Variants in HRH2 observed in about 807,000 individuals in gnomAD.
HRH2 encodes histamine receptor H2, also known as histamine H2 receptor.
Under a neutral mutation model 20.1 loss-of-function variants are expected in HRH2, and 4 were observed. The ratio of observed to expected loss-of-function variants is 0.20; its 90% confidence interval spans 0.10 to 0.45. HRH2 has a LOEUF of 0.45. Among genes scored for constraint, HRH2 ranks in the 20% least tolerant of loss-of-function variants. The pLI is 0.99. For synonymous variants in HRH2, 197 were observed against 200.7 expected (o/e 0.98, Z 0.16); for missense variants, 250 against 461.6 (o/e 0.54, Z 4.20).
At chr5:175,672,935 G>C (rs1581419024) in intron 1 of HRH2, among the ~76,000 whole-genome samples, 1 of 151,484 alleles carries the variant, frequency 6.6e-6, no homozygotes, top group Non-Finnish European at 1.5e-5. Flanking sequence ...AGGAGCAGGT[G>C]TGTAGTATCC....
At chr5:175,658,605 C>G (rs1325739574) in intron 1 of HRH2, among the ~76,000 whole-genome samples, 1 of 152,150 alleles carries the variant, frequency 6.6e-6, no homozygotes, top group African/African-American at 2.4e-5. Context: ...GAGCAACTTT[C>G]TGCTAAAGGG....
intron 1 of HRH2, among the ~76,000 whole-genome samples, chr5:175,659,878 G>A (rs1418808140): frequency 1.3e-5 from 2 of 151,934 alleles, no homozygotes; most frequent in Non-Finnish European, 2.9e-5. Flanking sequence ...CTAAGGGTCT[G>A]GAAGGAAGGA....
At chr5:175,703,380 A>G (rs1169688515) in intron 2 of HRH2, among the ~76,000 whole-genome samples, 4 of 152,238 alleles carry the variant, frequency 2.6e-5, no homozygotes, top group Non-Finnish European at 5.9e-5. Context: ...GTAAACGACA[A>G]TGAAAATACT....
intron 2 of HRH2, among the ~76,000 whole-genome samples, chr5:175,696,324 A>C (rs1178731859): frequency 6.6e-6 from 1 of 152,202 alleles, no homozygotes; most frequent in Non-Finnish European, 1.5e-5. Context: ...TGTGACCCCG[A>C]TTCTGGAGCA....
At chr5:175,680,683 T>A (rs1344408932) in intron 1 of HRH2, among the ~76,000 whole-genome samples, 8 of 152,194 alleles carry the variant, frequency 5.3e-5, no homozygotes, top group Admixed American at 5.2e-4. Flanking sequence ...GGGCAATCCT[T>A]CTGCCCACAT....
intron 1 of HRH2, among the ~76,000 whole-genome samples, chr5:175,670,319 TCTC>T (rs1755481551): frequency 6.6e-6 from 1 of 152,016 alleles, no homozygotes; most frequent in Non-Finnish European, 1.5e-5. Context: ...TTACATGAAA[TCTC>T]CTGATTGTTA....
intron 2 of HRH2, among the ~76,000 whole-genome samples, chr5:175,701,943 G>A (rs971222142): frequency 6.6e-6 from 1 of 152,200 alleles, no homozygotes; most frequent in Non-Finnish European, 1.5e-5. Context: ...CGTGAAGGGG[G>A]TTGAAGAAGA....
chr5:175,685,627 C>T, intron 2 of HRH2: 1 of 692,936 alleles, frequency 1.4e-6, no homozygotes, highest in South Asian at 1.8e-5. Flanking sequence ...CGTCACTCAA[C>T]TTGTATCTTG....
chr5:175,702,307 T>A (rs907131285), intron 2 of HRH2, among the ~76,000 whole-genome samples: 1 of 151,156 alleles, frequency 6.6e-6, no homozygotes, highest in Admixed American at 6.6e-5. Flanking sequence ...CAAAAACAGA[T>A]GGAAGAAATG....
chr5:175,684,512 T>C (rs1196833642), intron 2 of HRH2: 3 of 319,392 alleles, frequency 9.4e-6, no homozygotes, highest in Non-Finnish European at 1.4e-5. Flanking sequence ...AGGAGCACAT[T>C]AAAATTCTCA....
intron 2 of HRH2, among the ~76,000 whole-genome samples, chr5:175,705,722 G>A (rs1034122035): frequency 2.6e-5 from 4 of 151,920 alleles, no homozygotes; most frequent in African/African-American, 7.3e-5. Context: ...GAGTGCAGTG[G>A]CACAATCTCA....
intron 1 of HRH2, among the ~76,000 whole-genome samples, chr5:175,663,970 C>T (rs1473669607): frequency 6.6e-6 from 1 of 152,184 alleles, no homozygotes; most frequent in African/African-American, 2.4e-5. Context: ...TATCTGATGC[C>T]GTGTGACAGC....
At chr5:175,702,729 T>C (rs1248440361) in intron 2 of HRH2, among the ~76,000 whole-genome samples, 1 of 148,594 alleles carries the variant, frequency 6.7e-6, no homozygotes, top group Non-Finnish European at 1.5e-5. Context: ...TTTTTTCTTT[T>C]TTTTTTTTTT....
At chr5:175,679,250 G>C (rs1329545361) in intron 1 of HRH2, among the ~76,000 whole-genome samples, 2 of 152,168 alleles carry the variant, frequency 1.3e-5, no homozygotes, top group African/African-American at 4.8e-5. Context: ...AGAAGAGAGT[G>C]CTCCCAGGGC....
At chr5:175,669,128 A>G (rs1755421847) in intron 1 of HRH2, among the ~76,000 whole-genome samples, 2 of 151,150 alleles carry the variant, frequency 1.3e-5, no homozygotes, top group Non-Finnish European at 3.0e-5. Context: ...TACAGGCCTG[A>G]GCCACAGCAC....
At chr5:175,702,441 T>C (rs1289677577) in intron 2 of HRH2, among the ~76,000 whole-genome samples, 1 of 145,156 alleles carries the variant, frequency 6.9e-6, no homozygotes, top group African/African-American at 2.6e-5. Flanking sequence ...AGACTTAAAA[T>C]ATAAAGAACA....
chr5:175,683,705 T>A lies in HRH2; in HGVS notation c.472T>A (p.Trp158Arg). ...GTCCTTTCTGTCTATCCACCTGGGG[T>A]GGAACAGCAGGAACGAGACCAGCAA... Reference protein sequence around the residue: ...TLSFLSIHLGWNSRNETSKGN... With the variant: ...TLSFLSIHLGRNSRNETSKGN... The change falls in exon 2 of 3, where the codon TGG (tryptophan) becomes AGG (arginine). Residue 158 changes from tryptophan to arginine, a missense_variant. By Grantham distance (101) the Trp-to-Arg change is moderately radical. Around this residue, in one of 5 missense-constraint regions of HRH2, gnomAD observed 27 missense variants for 28.6 expected, o/e 0.94. Transcript: ENST00000636584. 6.2e-7 allele frequency: 1 copy of A among 1,613,972 alleles called. No homozygotes were observed. Among genetic ancestry groups the A allele is most frequent in the Non-Finnish European group, 8.5e-7 (1 of 1,180,014 alleles).
At chr5:175,676,894 T>C (rs1755778935) in intron 1 of HRH2, among the ~76,000 whole-genome samples, 1 of 152,246 alleles carries the variant, frequency 6.6e-6, no homozygotes, top group African/African-American at 2.4e-5. Flanking sequence ...AAGTCAAATA[T>C]TGCAAAAGAC....
Position 175,693,878 on chromosome 5 carries a change from G to A in HRH2, c.1076+9569G>A, listed in dbSNP as rs575829032. ...TTTTGTGGCTGCTGAGTTTCCTGCC[G>A]TCTCCCCCATTCACTCATCCCTTAC... On this transcript the variant is annotated intron_variant, in intron 2 of 2. Coordinates refer to ENST00000636584, the MANE Select transcript of HRH2 (RefSeq NM_001367711.1). This position sits in a 1 kb window ranked among gnomAD's most constrained non-coding sequence, Gnocchi z 4.4. 6.0e-4 allele frequency among the ~76,000 whole-genome samples: 91 copies of A among 152,192 alleles called. No homozygotes were observed. The highest frequency in any genetic ancestry group is 8.2e-4 in the African/African-American group (34 of 41,532).
Sources: gnomAD v4.1 joint callset for allele counts (sites outside exome capture counted in the v4.1 genomes callset) on GRCh38, gnomAD v4.1.1 for gene constraint, gnomAD v4.1.1 regional missense constraint, Gnocchi (gnomAD v3.1) non-coding constraint, MANE v1.5 for transcripts, NCBI Gene and HGNC (gene_info 2026-07-23, HGNC 2026-07-21) for gene names.